The following ASB3 variants were observed in gnomAD, a reference collection of about 807,000 sequenced individuals.
The protein encoded by ASB3 is ankyrin repeat and SOCS box containing 3, also known as ankyrin repeat and SOCS box protein 3.
Under a neutral mutation model 54.5 loss-of-function variants are expected in ASB3, and 41 were observed. That is an observed-to-expected ratio of 0.75 (90% CI 0.59 to 0.98). The LOEUF is 0.98. Ranked by LOEUF, ASB3 falls within the 50% of genes least tolerant of loss-of-function variation. ASB3 has a pLI of 0.00. For synonymous variants in ASB3, 266 were observed against 221.2 expected (o/e 1.20, Z -1.80); for missense variants, 733 against 620.0 (o/e 1.18, Z -1.94).
At chr2:53,694,788 G>A (rs893795703) in intron 8 of ASB3, among the ~76,000 whole-genome samples, 1 of 152,118 alleles carries the variant, frequency 6.6e-6, no homozygotes, top group Non-Finnish European at 1.5e-5. Flanking sequence ...TTTTTAAAAT[G>A]AGAATAATAC....
intron 9 of ASB3, among the ~76,000 whole-genome samples, chr2:53,681,036 T>A (rs911007485): frequency 3.3e-5 from 5 of 152,220 alleles, no homozygotes; most frequent in South Asian, 2.1e-4. Context: ...TCCAGTTCTA[T>A]CCATTTTGTT....
chr2:53,696,593 A>C (rs1669193961), intron 8 of ASB3, among the ~76,000 whole-genome samples: 1 of 152,174 alleles, frequency 6.6e-6, no homozygotes, highest in South Asian at 2.1e-4. Context: ...ATTGGCACAA[A>C]TCCCTCAGGT....
intron 9 of ASB3, among the ~76,000 whole-genome samples, chr2:53,678,567 C>G (rs1668204729): frequency 6.6e-6 from 1 of 152,154 alleles, no homozygotes; most frequent in Admixed American, 6.5e-5. Context: ...AACAAAAATT[C>G]ACTATAGCAC....
At chr2:53,734,787 T>C (rs551838785) in intron 3 of ASB3, among the ~76,000 whole-genome samples, 1 of 152,314 alleles carries the variant, frequency 6.6e-6, no homozygotes, top group Non-Finnish European at 1.5e-5. Context: ...ACTGTTGTGG[T>C]GTTACAACTT....
chr2:53,718,044 A>T (rs998030339), intron 5 of ASB3, among the ~76,000 whole-genome samples: 1 of 152,234 alleles, frequency 6.6e-6, no homozygotes, highest in Non-Finnish European at 1.5e-5. Context: ...GATAATGTAA[A>T]GCAACCAAAT....
At position 53,670,684 on chromosome 2, in the gene ASB3, A is replaced by C; in HGVS notation, c.1376T>G (p.Val459Gly). The part of the protein sequence containing the change: ...AWILQQHIAT[V>G]PSLTHLCRLE... ...ACGACAAAGATGGGTCAGGGATGGA[A>C]CAGTGGCTGGAGAAACAAAAAAAGC... is the stretch of plus-strand genomic sequence containing the variant. Residue 459 changes from valine to glycine, a missense_variant, in exon 10 of 10, where the codon GTT (valine) becomes GGT (glycine). Val to Gly is a moderately radical substitution (Grantham distance 109). Transcript: ENST00000263634. 1 of 1,607,108 alleles carries C rather than the reference A, an allele frequency of 6.2e-7. No homozygotes were observed. The highest frequency in any genetic ancestry group is 8.5e-7 in the Non-Finnish European group (1 of 1,176,860).
At chr2:53,768,165 T>C in intron 1 of ASB3, 1 of 958,100 alleles carries the variant, frequency 1.0e-6, no homozygotes, top group Non-Finnish European at 1.5e-6. Context: ...TTCTGTAGAT[T>C]TTCCCTGCCA....
chr2:53,728,640 G>T, intron 5 of ASB3, 72 bp downstream of exon 5: 1 of 1,377,260 alleles, frequency 7.3e-7, no homozygotes, highest in Middle Eastern at 2.0e-4. Flanking sequence ...TTTGAGACAA[G>T]AATTATTCCT....
chr2:53,707,014 C>A (rs10190578), intron 7 of ASB3, among the ~76,000 whole-genome samples: 1 of 151,966 alleles, frequency 6.6e-6, no homozygotes, highest in Admixed American at 6.6e-5. Context: ...CCCTGCCCAG[C>A]TCTTCTTTTG....
At chr2:53,727,821 G>T (rs764739543) in intron 5 of ASB3, among the ~76,000 whole-genome samples, 1 of 152,072 alleles carries the variant, frequency 6.6e-6, no homozygotes, top group Non-Finnish European at 1.5e-5. Context: ...TGCCTCCCAG[G>T]TTCAAGCAAT....
chr2:53,774,903 T>C (rs985451221), intron 1 of ASB3: 1 of 160,654 alleles, frequency 6.2e-6, no homozygotes, highest in Admixed American at 6.2e-5. Flanking sequence ...ATGCCTTCAA[T>C]ATATTCCTAT....
intron 6 of ASB3, among the ~76,000 whole-genome samples, chr2:53,715,493 A>G (rs1181753645): frequency 6.6e-6 from 1 of 152,200 alleles, no homozygotes; most frequent in Admixed American, 6.5e-5. Flanking sequence ...ATCATCAGTG[A>G]CAATGAGAAT....
At chr2:53,723,998 T>A (rs1279117236) in intron 5 of ASB3, among the ~76,000 whole-genome samples, 2 of 151,608 alleles carry the variant, frequency 1.3e-5, no homozygotes, top group Admixed American at 6.6e-5. Context: ...GAAAAAAAAA[T>A]GAGAAAACAC....
At position 53,778,653 on chromosome 2, in the gene ASB3, T is replaced by G. The variant is rs1044916508; in HGVS notation, c.-14+8168A>C. Reference sequence around the variant, plus strand: ...ACATATGTTGTTTGTCTGCTTGTACTTGGCTTATCTCATTTAGCTTAATGT... The same window carrying G: ...ACATATGTTGTTTGTCTGCTTGTACGTGGCTTATCTCATTTAGCTTAATGT... On this transcript the variant is annotated intron_variant, in intron 1 of 9. Transcript: ENST00000263634. Among the ~76,000 whole-genome samples, 3 of 152,224 alleles carry G rather than the reference T, an allele frequency of 2.0e-5. No individual in the cohort carries two copies. The South Asian group carries it at 6.2e-4, about 32-fold the overall frequency.
intron 9 of ASB3, among the ~76,000 whole-genome samples, chr2:53,672,273 A>T (rs921104632): frequency 1.3e-5 from 2 of 152,242 alleles, no homozygotes; most frequent in African/African-American, 4.8e-5. Flanking sequence ...TATAAATAAT[A>T]AGATTACAGT....
chr2:53,774,356 A>T, intron 1 of ASB3: 4 of 1,613,374 alleles, frequency 2.5e-6, no homozygotes, highest in Non-Finnish European at 3.4e-6. Context: ...GACATTGCTG[A>T]ACAAATTTTT....
chr2:53,765,340 T>C (rs1200004063), intron 2 of ASB3, 37 bp downstream of exon 2: 2 of 1,612,728 alleles, frequency 1.2e-6, no homozygotes, highest in Non-Finnish European at 1.7e-6. Flanking sequence ...TTAATCCAGC[T>C]TGTAGGCAAA....
chr2:53,728,529 T>A (rs1671132625), intron 5 of ASB3, among the ~76,000 whole-genome samples, 183 bp downstream of exon 5: 1 of 152,224 alleles, frequency 6.6e-6, no homozygotes, highest in African/African-American at 2.4e-5. Flanking sequence ...GTGCACTGCA[T>A]TGTTAGTAAT....
Position 53,756,318 on chromosome 2 carries a change from CT to C in ASB3, c.197-5378del, listed in dbSNP as rs923857185. 8.3e-4 allele frequency among the ~76,000 whole-genome samples: 127 copies of C among 152,302 alleles called. 1 individual carries two copies. Among genetic ancestry groups the C allele is most frequent in the Non-Finnish European group, 3.1e-4 (21 of 68,024 alleles). On this transcript the variant is annotated intron_variant, in intron 2 of 9. Transcript: ENST00000263634. ...CTCAGATTTACATTTACTTGAGCTA[CT>C]ATATTCCCTTTCTTTGCTTAAGCTA... is the stretch of plus-strand genomic sequence containing the variant.
Sources: allele counts gnomAD v4.1 joint callset (sites outside exome capture counted in the v4.1 genomes callset), GRCh38; gene constraint gnomAD v4.1.1; transcripts MANE v1.5; gene names NCBI Gene and HGNC (gene_info 2026-07-23, HGNC 2026-07-21).